Variants in PTPRD observed in about 807,000 individuals in gnomAD.
PTPRD encodes protein tyrosine phosphatase receptor type D, also known as receptor-type tyrosine-protein phosphatase delta.
A neutral mutation model predicts 214.5 loss-of-function variants in PTPRD; 34 were observed. The ratio of observed to expected loss-of-function variants is 0.16; its 90% CI spans 0.12 to 0.21. PTPRD has a LOEUF of 0.21. PTPRD is among the 10% of genes least tolerant of loss of function. The pLI, the probability that PTPRD is intolerant of heterozygous loss-of-function variation, is 1.00. For synonymous variants in PTPRD, 1,128 were observed against 845.7 expected (o/e 1.33, Z -5.79); for missense variants, 2,545 against 2,398.7 (o/e 1.06, Z -1.27).
intron 14 of PTPRD, among the ~76,000 whole-genome samples, chr9:8,534,881 A>T (rs1473672784): frequency 1.3e-5 from 2 of 151,916 alleles, no homozygotes; most frequent in South Asian, 2.1e-4. Flanking sequence ...ATATATTGAA[A>T]CAAGAAGATA....
intron 3 of PTPRD, among the ~76,000 whole-genome samples, chr9:10,044,041 A>T (rs1190671210): frequency 6.6e-6 from 1 of 151,790 alleles, no homozygotes; most frequent in East Asian, 1.9e-4. Context: ...AGGGTCTAAC[A>T]TGAGAGAGAG....
At chr9:9,428,812 A>G (rs144484887) in intron 8 of PTPRD, among the ~76,000 whole-genome samples, 9,790 of 152,282 alleles carry the variant, frequency 0.064, 349 homozygotes, top group Middle Eastern at 0.17. Context: ...TACTGGGTAC[A>G]TAAAGAAATG....
chr9:9,540,510 C>T (rs2077362051), intron 8 of PTPRD, among the ~76,000 whole-genome samples: 1 of 151,606 alleles, frequency 6.6e-6, no homozygotes, highest in East Asian at 1.9e-4. Context: ...TGCTACCTAG[C>T]ACAGGTTGAA....
intron 12 of PTPRD, among the ~76,000 whole-genome samples, chr9:8,640,965 T>C (rs2096564043): frequency 6.7e-6 from 1 of 148,376 alleles, no homozygotes; most frequent in Admixed American, 6.6e-5. Flanking sequence ...AGGAAAGATA[T>C]GAGGTAGAGA....
chr9:8,424,876 T>C (rs181399876), intron 35 of PTPRD, among the ~76,000 whole-genome samples: 150 of 152,292 alleles, frequency 9.8e-4, no homozygotes, highest in African/African-American at 3.6e-3. Context: ...CTGATTATGC[T>C]TCATGCATGA....
rs2099020972 is a variant in PTPRD at position 8,939,928 on chromosome 9, T to G, written c.-104+78769A>C. On this transcript the variant is annotated intron_variant, in intron 11 of 45. Transcript: ENST00000381196. ...AAAGTTTTCTTTAGAAAAACATAAA[T>G]TAACATGTATATTTTTGGTCTCTTT... Among the ~76,000 whole-genome samples the G allele has an allele frequency of 2.6e-5, 4 of 152,058 alleles. No homozygotes were observed. The South Asian group carries it at 8.3e-4, about 31-fold the overall frequency.
intron 11 of PTPRD, among the ~76,000 whole-genome samples, chr9:8,738,074 C>T (rs1011651930): frequency 6.6e-6 from 1 of 152,114 alleles, no homozygotes; most frequent in Non-Finnish European, 1.5e-5. Context: ...TCTTATGAAA[C>T]AATAATTTTG....
chr9:9,727,997 G>A (rs914528919), intron 7 of PTPRD, among the ~76,000 whole-genome samples: 3 of 152,146 alleles, frequency 2.0e-5, no homozygotes, highest in Admixed American at 2.0e-4. Context: ...GACCCATGGG[G>A]AGGCAATTGA....
chr9:10,000,729 T>C (rs2096286263), intron 4 of PTPRD, among the ~76,000 whole-genome samples: 1 of 152,216 alleles, frequency 6.6e-6, no homozygotes, highest in South Asian at 2.1e-4. Context: ...AGTATTAACA[T>C]GCTAATGCTG....
chr9:9,115,942 C>A (rs1224984830), intron 10 of PTPRD, among the ~76,000 whole-genome samples: 1 of 152,046 alleles, frequency 6.6e-6, no homozygotes, highest in East Asian at 1.9e-4. Context: ...AGCTGGAGGC[C>A]CTTATCCTAA....
At chr9:9,101,039 G>A (rs1408739888) in intron 10 of PTPRD, among the ~76,000 whole-genome samples, 1 of 151,950 alleles carries the variant, frequency 6.6e-6, no homozygotes, top group Non-Finnish European at 1.5e-5. Context: ...AGATAAAAAT[G>A]TTTAAAAATC....
intron 5 of PTPRD, among the ~76,000 whole-genome samples, chr9:9,878,598 T>C (rs1003536934): frequency 3.3e-5 from 5 of 152,188 alleles, no homozygotes; most frequent in African/African-American, 1.2e-4. Flanking sequence ...GTAAGGTCTG[T>C]CAACCTAAGT....
chr9:9,699,340 A>T (rs1400675665), intron 7 of PTPRD, among the ~76,000 whole-genome samples: 1 of 152,120 alleles, frequency 6.6e-6, no homozygotes, highest in African/African-American at 2.4e-5. Context: ...ATTACTAACC[A>T]CCATTATCTT....
intron 2 of PTPRD, among the ~76,000 whole-genome samples, chr9:10,587,724 T>C (rs1225663380): frequency 2.0e-5 from 3 of 152,054 alleles, no homozygotes; most frequent in Non-Finnish European, 4.4e-5. Flanking sequence ...ATATATAACA[T>C]GTAGTTGGCA....
chr9:10,144,754 C>T (rs1246740177), intron 3 of PTPRD, among the ~76,000 whole-genome samples: 7 of 152,104 alleles, frequency 4.6e-5, no homozygotes. Flanking sequence ...CTGAAACGAT[C>T]TGTCAGCATT....
intron 39 of PTPRD, among the ~76,000 whole-genome samples, chr9:8,373,694 ATC>A (rs2082233695): frequency 6.8e-6 from 1 of 147,728 alleles, no homozygotes; most frequent in Admixed American, 6.8e-5. Flanking sequence ...ATTTAATCTT[ATC>A]TCTCATATTT....
chr9:8,417,930 G>C (rs1024766555), intron 35 of PTPRD, among the ~76,000 whole-genome samples: 1 of 152,104 alleles, frequency 6.6e-6, no homozygotes, highest in African/African-American at 2.4e-5. Flanking sequence ...TAAATGTTTT[G>C]GGGTGATTTG....
At chr9:10,589,619 C>G (rs537729720) in intron 2 of PTPRD, among the ~76,000 whole-genome samples, 1 of 152,094 alleles carries the variant, frequency 6.6e-6, no homozygotes, top group African/African-American at 2.4e-5. Context: ...CTATAAAGGA[C>G]TCCAGTGCCT....
At chr9:9,898,264 C>G (rs1414531806) in intron 5 of PTPRD, among the ~76,000 whole-genome samples, 1 of 151,982 alleles carries the variant, frequency 6.6e-6, no homozygotes, top group East Asian at 1.9e-4. Context: ...AAAAAAGTAA[C>G]CATTTCATTT....
Sources: allele counts gnomAD v4.1 joint callset (sites outside exome capture counted in the v4.1 genomes callset), GRCh38; gene constraint gnomAD v4.1.1; transcripts MANE v1.5; gene names NCBI Gene and HGNC (gene_info 2026-07-23, HGNC 2026-07-21).